Variants in GLMN observed in about 807,000 individuals in gnomAD.
GLMN encodes the protein glomulin, FKBP associated protein.
A neutral mutation model predicts 87.8 loss-of-function variants in GLMN; 75 were observed. The observed-to-expected ratio is 0.85, with a 90% CI of 0.71 to 1.04. The LOEUF (loss-of-function observed/expected upper bound fraction) is 1.04. Among genes scored for constraint, GLMN ranks in the 50% least tolerant of loss-of-function variants. The pLI, the probability that GLMN is intolerant of heterozygous loss-of-function variation, is 0.00. For missense variants in GLMN, 588 were observed against 658.8 expected (o/e 0.89, Z 1.18); for synonymous variants, 206 against 221.6 (o/e 0.93, Z 0.63).
rs1379749575 is a variant in GLMN, at chr1:92,266,417, A to G, written c.1214+2T>C. 3.4e-6 allele frequency: 5 copies of G among 1,453,256 alleles called. No homozygotes were observed. The Admixed American group carries it at 6.7e-5, about 20-fold the overall frequency. The allele number at this position is 1,453,256 out of a possible 1,614,324, so 90.0% of individuals were successfully genotyped here. A position where few individuals can be genotyped will look rare whatever the true frequency, so the allele number is the denominator to read the frequency against. ...TAGCAATTAGCCATGCTTGATACATACCTAAATAATGTATATTTGCCTTGT... is the reference window on the plus strand; with the variant it reads ...TAGCAATTAGCCATGCTTGATACATGCCTAAATAATGTATATTTGCCTTGT... On this transcript the variant is annotated splice_donor_variant, in intron 13 of 18. Coordinates refer to ENST00000370360, the MANE Select transcript of GLMN (RefSeq NM_053274.3). LOFTEE classifies it high-confidence loss of function.
the GLMN span, among the ~76,000 whole-genome samples, chr1:92,351,305 C>CAAAAAAAAAAAAAAAAA: frequency 6.6e-4 from 57 of 86,832 alleles, 1 homozygote; most frequent in African/African-American, 2.3e-3. Context: ...GACTCTGTCT[C>CAAAAAAAAAAAAAAAAA]AAAAAAAAAA....
chr1:92,288,602 T>A (rs1412098249), intron 6 of GLMN, among the ~76,000 whole-genome samples: 1 of 151,968 alleles, frequency 6.6e-6, no homozygotes, highest in African/African-American at 2.4e-5. Context: ...AATTTTTAAA[T>A]TTTTTTATAG....
intron 5 of GLMN, among the ~76,000 whole-genome samples, chr1:92,289,392 T>G (rs541411958): frequency 6.6e-6 from 1 of 152,240 alleles, no homozygotes; most frequent in Admixed American, 6.5e-5. Flanking sequence ...TAACAGGCTA[T>G]GTACTTAAGA....
chr1:92,341,923 G>A, the GLMN span, among the ~76,000 whole-genome samples: 43 of 152,314 alleles, frequency 2.8e-4, no homozygotes, highest in African/African-American at 9.6e-4. Context: ...GATTACAGGC[G>A]TGAGCCAACA....
chr1:92,288,478 G>C (rs1475778878), intron 6 of GLMN, among the ~76,000 whole-genome samples: 2 of 151,972 alleles, frequency 1.3e-5, no homozygotes, highest in East Asian at 1.9e-4. Flanking sequence ...GCCCAGACTG[G>C]AGTACAGTGG....
upstream of GLMN, chr1:92,299,075 T>A (rs1283317357): frequency 6.0e-6 from 9 of 1,501,670 alleles, no homozygotes; most frequent in African/African-American, 1.4e-5. Flanking sequence ...CTCTCCCCCA[T>A]GGCGGACTTC....
intron 17 of GLMN, 93 bp downstream of exon 17, chr1:92,247,785 A>G: frequency 1.4e-6 from 1 of 712,642 alleles, no homozygotes; most frequent in South Asian, 1.5e-5. Flanking sequence ...CTAAAGTACA[A>G]GATTTTTAAA....
the GLMN span, among the ~76,000 whole-genome samples, chr1:92,354,339 A>G: frequency 6.6e-6 from 1 of 152,230 alleles, no homozygotes; most frequent in Non-Finnish European, 1.5e-5. Context: ...AGCTGGAGAC[A>G]CTATTCTGAG....
rs1263834263 is a variant in GLMN, at chr1:92,290,361, A to AT, written c.286-56dup. ...TAATACAAGTTGTATTTAAAGCCAC[A>AT]TTATTACTATTTTTAAGAAGGCATG... On this transcript the variant is annotated intron_variant, in intron 4 of 18. Transcript: ENST00000370360. 2.8e-5 allele frequency: 28 copies of AT among 1,018,168 alleles called. No homozygotes were observed. In the African/African-American group the frequency reaches 3.5e-4, roughly 13 times the overall value. The allele number at this position is 1,018,168 out of a possible 1,614,324, so 63.1% of individuals were successfully genotyped here.
chr1:92,274,827 T>C (rs1329657358), intron 7 of GLMN, among the ~76,000 whole-genome samples: 1 of 152,196 alleles, frequency 6.6e-6, no homozygotes, highest in Non-Finnish European at 1.5e-5. Flanking sequence ...AATCTGCTTT[T>C]CTACTTCTGA....
chr1:92,308,865 C>G, the GLMN span, among the ~76,000 whole-genome samples: 4 of 151,756 alleles, frequency 2.6e-5, no homozygotes, highest in African/African-American at 9.7e-5. Context: ...GAGGCTGAGG[C>G]AGGAGAATCA....
At chr1:92,247,528 T>C (rs1570809861) in intron 17 of GLMN, among the ~76,000 whole-genome samples, 1 of 152,154 alleles carries the variant, frequency 6.6e-6, no homozygotes, top group Non-Finnish European at 1.5e-5. Flanking sequence ...TTAAAAAAAT[T>C]CTGGATCTAA....
At chr1:92,293,763 G>A (rs1480205607) in intron 3 of GLMN, among the ~76,000 whole-genome samples, 1 of 152,142 alleles carries the variant, frequency 6.6e-6, no homozygotes, top group African/African-American at 2.4e-5. Flanking sequence ...ACACAATGGA[G>A]TACTATTTGG....
chr1:92,283,373 T>G (rs1165979965), intron 7 of GLMN, among the ~76,000 whole-genome samples: 1 of 152,170 alleles, frequency 6.6e-6, no homozygotes, highest in Admixed American at 6.5e-5. Flanking sequence ...AAAAACCACA[T>G]GATTATCTTA....
At chr1:92,254,167 A>C (rs1347168463) in intron 16 of GLMN, among the ~76,000 whole-genome samples, 1 of 152,232 alleles carries the variant, frequency 6.6e-6, no homozygotes, top group Non-Finnish European at 1.5e-5. Flanking sequence ...AAAGAATATC[A>C]GAGATTGAAG....
chr1:92,345,437 A>AAGGG, the GLMN span, among the ~76,000 whole-genome samples: 1 of 133,288 alleles, frequency 7.5e-6, no homozygotes, highest in Non-Finnish European at 1.6e-5. Context: ...GGAAGGAAGG[A>AAGGG]AGGGAGGGAG....
the GLMN span, among the ~76,000 whole-genome samples, chr1:92,315,724 T>C: frequency 1.3e-5 from 2 of 152,220 alleles, no homozygotes; most frequent in Non-Finnish European, 2.9e-5. Context: ...TCCATACTTT[T>C]ATAAGGTTTT....
intron 16 of GLMN, among the ~76,000 whole-genome samples, chr1:92,253,280 T>C (rs1346575300): frequency 6.6e-6 from 1 of 152,148 alleles, no homozygotes; most frequent in Non-Finnish European, 1.5e-5. Context: ...CAGGGGCTTA[T>C]AGATAAAACT....
the GLMN span, among the ~76,000 whole-genome samples, chr1:92,330,444 T>C: frequency 7.4e-6 from 1 of 134,650 alleles, no homozygotes; most frequent in Admixed American, 7.4e-5. Context: ...TGTCAATTTT[T>C]TTTTTTTTTT....
Sources: gnomAD v4.1 joint callset for allele counts (sites outside exome capture counted in the v4.1 genomes callset) on GRCh38, gnomAD v4.1.1 for gene constraint, MANE v1.5 for transcripts, NCBI Gene and HGNC (gene_info 2026-07-23, HGNC 2026-07-21) for gene names.